The following HECTD2 variants were observed in gnomAD, a reference collection of about 807,000 sequenced individuals.
The protein encoded by HECTD2 is probable E3 ubiquitin-protein ligase HECTD2.
A neutral mutation model predicts 103.2 loss-of-function variants in HECTD2; 35 were observed. That is an observed-to-expected ratio of 0.34 (90% CI 0.26 to 0.45). The LOEUF (loss-of-function observed/expected upper bound fraction) is 0.45, where lower values mean the gene tolerates loss of function less well. HECTD2 is among the 20% of genes least tolerant of loss of function. The probability of loss-of-function intolerance (pLI) is 1.00; values close to 1 mark genes in which losing one functional copy is unlikely to be tolerated. For synonymous variants in HECTD2, 281 were observed against 329.9 expected (o/e 0.85, Z 1.61); for missense variants, 596 against 937.4 (o/e 0.64, Z 4.76).
chr10:91,504,493 G>A (rs1271690068), intron 20 of HECTD2, among the ~76,000 whole-genome samples: 1 of 152,178 alleles, frequency 6.6e-6, no homozygotes, highest in Non-Finnish European at 1.5e-5. Flanking sequence ...GAAGCCTCAG[G>A]AGCCAATGCG....
intron 7 of HECTD2, 117 bp downstream of exon 7, chr10:91,481,256 A>G (rs1394609335): frequency 1.1e-5 from 5 of 472,404 alleles, no homozygotes; most frequent in Non-Finnish European, 1.9e-5. Context: ...GATTCTTTTT[A>G]GAATTATAGT....
In HECTD2 at chr10:91,504,290, A is replaced by G. The variant is rs1420308022; in HGVS notation, c.2210+2956A>G. ...AAGCTGGACGGAGAATGACTTTGAC[A>G]AGCTGAGAGAAGAAGGCTTCAGATG... On this transcript the variant is annotated intron_variant, in intron 20 of 20. Transcript: ENST00000298068. Among the ~76,000 whole-genome samples, 3 of 152,002 alleles carry G rather than the reference A, an allele frequency of 2.0e-5. No homozygotes were observed. The East Asian group carries it at 5.8e-4, about 29-fold the overall frequency.
chr10:91,451,175 G>A (rs1037406539), intron 2 of HECTD2, among the ~76,000 whole-genome samples: 1 of 152,184 alleles, frequency 6.6e-6, no homozygotes, highest in Non-Finnish European at 1.5e-5. Flanking sequence ...TATGCACCAT[G>A]TAATACTATG....
At chr10:91,501,399 A>G (rs1037265054) in intron 20 of HECTD2, 65 bp downstream of exon 20, 15 of 1,027,752 alleles carry the variant, frequency 1.5e-5, no homozygotes, top group Middle Eastern at 2.3e-4. Context: ...TAATGATAAT[A>G]CATTTGGAAT....
intron 2 of HECTD2, among the ~76,000 whole-genome samples, chr10:91,449,388 T>C (rs567556225): frequency 6.6e-6 from 1 of 152,148 alleles, no homozygotes; most frequent in East Asian, 1.9e-4. Context: ...ATTGATGGAG[T>C]GTTTCTCAAA....
intron 18 of HECTD2, among the ~76,000 whole-genome samples, chr10:91,499,973 C>G (rs996815936): frequency 6.6e-6 from 1 of 152,112 alleles, no homozygotes; most frequent in African/African-American, 2.4e-5. Context: ...TTATGACACT[C>G]TGGTAATTGT....
chr10:91,476,742 G>A (rs933068525), intron 5 of HECTD2, among the ~76,000 whole-genome samples: 29 of 152,202 alleles, frequency 1.9e-4, no homozygotes, highest in Non-Finnish European at 3.8e-4. Flanking sequence ...AGGGCAAAGG[G>A]CGAGAGGAGT....
intron 2 of HECTD2, among the ~76,000 whole-genome samples, chr10:91,443,602 G>T (rs374216853): frequency 2.6e-5 from 4 of 152,194 alleles, no homozygotes; most frequent in African/African-American, 9.6e-5. Context: ...AGCAGAGCTT[G>T]AGCGCTGTGC....
intron 8 of HECTD2, 154 bp from the exon 9 acceptor site, chr10:91,484,348 AAGATT>A: frequency 7.1e-7 from 1 of 1,400,072 alleles, no homozygotes; most frequent in South Asian, 1.3e-5. Context: ...TATTCAAGGT[AAGATT>A]TTGTATCTTT....
At chr10:91,461,455 A>G (rs917594228) in intron 4 of HECTD2, 99 bp downstream of exon 4, 10 of 585,744 alleles carry the variant, frequency 1.7e-5, no homozygotes, top group African/African-American at 1.4e-4. Context: ...TGATTTAAAC[A>G]TGCATATATT....
intron 20 of HECTD2, among the ~76,000 whole-genome samples, chr10:91,508,765 C>A (rs1472472350): frequency 2.0e-5 from 3 of 151,456 alleles, no homozygotes; most frequent in Non-Finnish European, 4.4e-5. Context: ...CCAGCCATCC[C>A]ATTACTGGGT....
intron 2 of HECTD2, among the ~76,000 whole-genome samples, chr10:91,450,825 C>T (rs1247360604): frequency 3.9e-5 from 6 of 152,238 alleles, no homozygotes; most frequent in Admixed American, 3.9e-4. Flanking sequence ...GAGATACCAT[C>T]TCATGCCAGT....
At chr10:91,458,557 AC>A (rs1156311731) in intron 2 of HECTD2, among the ~76,000 whole-genome samples, 2 of 152,038 alleles carry the variant, frequency 1.3e-5, no homozygotes, top group Non-Finnish European at 2.9e-5. Flanking sequence ...TACTGAGATA[AC>A]CATGGAGGAA....
intron 2 of HECTD2, among the ~76,000 whole-genome samples, chr10:91,449,777 A>G (rs1310017817): frequency 6.6e-6 from 1 of 152,176 alleles, no homozygotes; most frequent in Non-Finnish European, 1.5e-5. Flanking sequence ...CCCATTCACA[A>G]TTGCTGCAAA....
At chr10:91,502,002 T>C (rs1298867090) in intron 20 of HECTD2, among the ~76,000 whole-genome samples, 10 of 152,146 alleles carry the variant, frequency 6.6e-5, no homozygotes, top group Admixed American at 6.5e-4. Context: ...GTTCTTCCTT[T>C]CATTTTAAAG....
At chr10:91,419,894 A>G (rs1843282032) in intron 1 of HECTD2, among the ~76,000 whole-genome samples, 1 of 152,172 alleles carries the variant, frequency 6.6e-6, no homozygotes. Flanking sequence ...CGTATACAAA[A>G]CTCAGTAATA....
At chr10:91,410,770 G>C (rs1842888078) in intron 1 of HECTD2, among the ~76,000 whole-genome samples, 194 bp downstream of exon 1, 1 of 152,136 alleles carries the variant, frequency 6.6e-6, no homozygotes, top group Admixed American at 6.5e-5. Context: ...AACACTTCGC[G>C]AGGTACACCT....
intron 2 of HECTD2, among the ~76,000 whole-genome samples, chr10:91,454,927 C>T (rs923569238): frequency 6.6e-6 from 1 of 152,048 alleles, no homozygotes; most frequent in Non-Finnish European, 1.5e-5. Context: ...GCATAGTATT[C>T]CATGGTGTAT....
chr10:91,410,422 C>G lies in HECTD2; in HGVS notation c.-17C>G. The G allele has an allele frequency of 2.2e-6, 3 of 1,374,840 alleles. No individual in the cohort carries two copies. The highest frequency in any genetic ancestry group is 1.9e-6 in the Non-Finnish European group (2 of 1,067,408). The allele number at this position is 1,374,840 out of a possible 1,614,324, so 85.2% of individuals were successfully genotyped here. ...AGGCCGCCGCCGCCGCCTGGCGCTC[C>G]CGCCGCCCGGCCCGACATGAGTGAG... is the stretch of plus-strand genomic sequence containing the variant. On this transcript the variant is annotated 5_prime_UTR_variant, in exon 1 of 21. Transcript: ENST00000298068.
Sources: gnomAD v4.1 joint callset for allele counts (sites outside exome capture counted in the v4.1 genomes callset) on GRCh38, gnomAD v4.1.1 for gene constraint, MANE v1.5 for transcripts, NCBI Gene and HGNC (gene_info 2026-07-23, HGNC 2026-07-21) for gene names.